Variants in MYO10 observed in about 807,000 individuals in gnomAD.
MYO10 encodes the protein unconventional myosin-X.
Under a neutral mutation model 257.3 loss-of-function variants are expected in MYO10, and 133 were observed. That is an observed-to-expected ratio of 0.52 (90% CI 0.45 to 0.60). The LOEUF (loss-of-function observed/expected upper bound fraction) is 0.60, where lower values mean the gene tolerates loss of function less well. MYO10 is among the 20% of genes least tolerant of loss of function. MYO10 has a pLI of 0.00. For missense variants in MYO10, 2,399 were observed against 2,635.7 expected (o/e 0.91, Z 1.97); for synonymous variants, 1,104 against 1,028.6 (o/e 1.07, Z -1.40).
intron 2 of MYO10, among the ~76,000 whole-genome samples, chr5:16,863,662 T>G (rs1050626275): frequency 2.0e-5 from 3 of 152,102 alleles, no homozygotes; most frequent in Non-Finnish European, 2.9e-5. Context: ...AACTCAACAC[T>G]CACCCCGAGA....
At chr5:16,903,928 G>C (rs1745452102) in intron 1 of MYO10, among the ~76,000 whole-genome samples, 1 of 152,170 alleles carries the variant, frequency 6.6e-6, no homozygotes, top group South Asian at 2.1e-4. Flanking sequence ...TACAGATTTG[G>C]TCAGCGTCAT....
At chr5:16,731,428 C>T (rs1259463940) in intron 19 of MYO10, among the ~76,000 whole-genome samples, 2 of 152,010 alleles carry the variant, frequency 1.3e-5, no homozygotes, top group Non-Finnish European at 2.9e-5. Flanking sequence ...ACTGCAACCT[C>T]TGCCTCCCAG....
At chr5:16,860,894 C>T (rs1221863531) in intron 2 of MYO10, among the ~76,000 whole-genome samples, 1 of 151,432 alleles carries the variant, frequency 6.6e-6, no homozygotes, top group East Asian at 1.9e-4. Context: ...ACAAAGGCCT[C>T]GTTAGCACTT....
chr5:16,799,993 G>A (rs1033586927), intron 3 of MYO10, among the ~76,000 whole-genome samples: 4 of 152,066 alleles, frequency 2.6e-5, no homozygotes, highest in African/African-American at 4.8e-5. Context: ...AAAGATAATC[G>A]GGCATGCTGT....
At position 16,861,580 on chromosome 5, in the gene MYO10, GA is replaced by G. The variant is rs1484358109; in HGVS notation, c.120+16028del. ...AGAGTGAAACTCCATCTCAAAAAAA[GA>G]AAAAAAGCTATTGCAAAGTAGGGGT... On this transcript the variant is annotated intron_variant, in intron 2 of 40. Coordinates refer to ENST00000513610, the MANE Select transcript of MYO10 (RefSeq NM_012334.3). Among the ~76,000 whole-genome samples, 19 of 151,936 alleles carry G rather than the reference GA, an allele frequency of 1.3e-4. No homozygotes were observed. The South Asian group carries it at 3.9e-3, about 32-fold the overall frequency.
At chr5:16,902,769 C>T (rs956601796) in intron 1 of MYO10, 11 of 644,654 alleles carry the variant, frequency 1.7e-5, no homozygotes, top group East Asian at 2.7e-5. Context: ...CCCAAAGTGC[C>T]GGGATTACAG....
intron 19 of MYO10, among the ~76,000 whole-genome samples, chr5:16,750,609 C>T (rs73755197): frequency 0.018 from 2,666 of 152,276 alleles, 92 homozygotes; most frequent in African/African-American, 0.06. Flanking sequence ...AAAGCAGCTA[C>T]AGGTGTTTCT....
intron 19 of MYO10, among the ~76,000 whole-genome samples, chr5:16,726,065 T>A (rs1273269577): frequency 2.0e-5 from 3 of 152,096 alleles, no homozygotes; most frequent in African/African-American, 7.2e-5. Flanking sequence ...GGATTACAGG[T>A]GTAAGCCACC....
intron 27 of MYO10, among the ~76,000 whole-genome samples, chr5:16,693,784 C>T (rs1370817229): frequency 6.6e-6 from 1 of 152,128 alleles, no homozygotes; most frequent in Admixed American, 6.6e-5. Context: ...ATTACTTAGT[C>T]TTTTAACAAA....
At chr5:16,685,055 AAAT>A (rs1376549434) in intron 29 of MYO10, among the ~76,000 whole-genome samples, 2 of 152,144 alleles carry the variant, frequency 1.3e-5, no homozygotes, top group Non-Finnish European at 2.9e-5. Context: ...CAAAAAAAAA[AAAT>A]AAGAATACAA....
In MYO10 at chr5:16,699,543, T is replaced by A. The variant is rs768262179; in HGVS notation, c.3463A>T (p.Arg1155Trp). 5 of 1,613,534 alleles carry A rather than the reference T, an allele frequency of 3.1e-6. No individual in the cohort carries two copies. The Admixed American group carries it at 8.3e-5, about 27-fold the overall frequency. Residue 1155 changes from arginine (R) to tryptophan (W), a missense_variant, in exon 26 of 41, where the codon AGG becomes TGG. By Grantham distance (101) the Arg-to-Trp change is moderately radical. This residue lies in a region of MYO10 where 1,820 missense variants were observed against 1,939.4 expected (regional missense o/e 0.94). Coordinates refer to ENST00000513610, the MANE Select transcript of MYO10 (RefSeq NM_012334.3). ...FEDSEEDFDS[R>W]FDTDDELSYR... ...GAAAGCTCATCATCTGTATCAAACC[T>A]GGAATCAAAGTCCTCTTCACTATCT... is the stretch of plus-strand genomic sequence containing the variant.
intron 39 of MYO10, 129 bp from the exon 40 acceptor site, chr5:16,668,597 T>C: frequency 4.7e-6 from 3 of 636,290 alleles, no homozygotes; most frequent in Non-Finnish European, 7.4e-6. Context: ...TGTGCATGCA[T>C]GCATGGAGGG....
intron 19 of MYO10, among the ~76,000 whole-genome samples, chr5:16,723,310 C>T (rs989049486): frequency 1.1e-4 from 16 of 152,004 alleles, no homozygotes; most frequent in Non-Finnish European, 1.0e-4. Flanking sequence ...ATGGCGTGAA[C>T]CTGGGAGGCG....
intron 4 of MYO10, among the ~76,000 whole-genome samples, chr5:16,787,175 C>G (rs983638167): frequency 2.0e-5 from 3 of 150,740 alleles, no homozygotes; most frequent in Non-Finnish European, 4.4e-5. Context: ...GACCCTGTCT[C>G]TCTTTTTTTT....
At chr5:16,851,859 T>C (rs1362636581) in intron 2 of MYO10, among the ~76,000 whole-genome samples, 1 of 151,972 alleles carries the variant, frequency 6.6e-6, no homozygotes, top group East Asian at 1.9e-4. Flanking sequence ...GAGACCAGCC[T>C]GGCCAACATG....
chr5:16,719,101 G>T (rs549333827), intron 19 of MYO10, among the ~76,000 whole-genome samples: 98 of 150,318 alleles, frequency 6.5e-4, no homozygotes, highest in African/African-American at 2.3e-3. Flanking sequence ...TCACTCTTTG[G>T]GTCCACGCTG....
At chr5:16,868,106 G>C (rs1561027455) in intron 2 of MYO10, among the ~76,000 whole-genome samples, 1 of 152,162 alleles carries the variant, frequency 6.6e-6, no homozygotes, top group Non-Finnish European at 1.5e-5. Context: ...ACTCTTTCCA[G>C]AAAAAGATAA....
intron 9 of MYO10, among the ~76,000 whole-genome samples, chr5:16,769,552 C>A (rs1028574970): frequency 6.6e-6 from 1 of 152,160 alleles, no homozygotes; most frequent in African/African-American, 2.4e-5. Context: ...GTTGACCAGG[C>A]TGGTCTTGAA....
intron 2 of MYO10, among the ~76,000 whole-genome samples, chr5:16,823,001 T>G (rs2126710007): frequency 6.6e-6 from 1 of 151,954 alleles, no homozygotes; most frequent in East Asian, 2.0e-4. Context: ...TTGGAAAGAT[T>G]TCAAAGGATT....
Sources: allele counts gnomAD v4.1 joint callset (sites outside exome capture counted in the v4.1 genomes callset), GRCh38; gene constraint gnomAD v4.1.1; regional missense constraint gnomAD v4.1.1; transcripts MANE v1.5; gene names NCBI Gene and HGNC (gene_info 2026-07-23, HGNC 2026-07-21).